The following VPS13B variants were observed in gnomAD, a reference collection of about 807,000 sequenced individuals.
The protein encoded by VPS13B is vacuolar protein sorting 13 homolog B.
VPS13B carries 285 observed loss-of-function variants against 426.4 expected under a neutral mutation model. The ratio of observed to expected loss-of-function variants is 0.67; its 90% CI spans 0.61 to 0.74. VPS13B has a LOEUF of 0.74. Ranked by LOEUF, VPS13B falls within the 30% of genes least tolerant of loss-of-function variation. The pLI is 0.00. For synonymous variants in VPS13B, 1,676 were observed against 1,676.4 expected (o/e 1.00, Z 0.01); for missense variants, 4,537 against 4,782.6 (o/e 0.95, Z 1.51).
At chr8:99,177,784 A>C (rs2132684558) in intron 16 of VPS13B, among the ~76,000 whole-genome samples, 1 of 152,228 alleles carries the variant, frequency 6.6e-6, no homozygotes, top group South Asian at 2.1e-4. Context: ...ATTGCCTTTA[A>C]ATTTGATTTT....
In VPS13B at chr8:99,817,739, A is replaced by T. The variant is rs1814129099; in HGVS notation, c.8297A>T (p.Asp2766Val). The T allele has an allele frequency of 6.2e-7, 1 of 1,614,022 alleles. No homozygotes were observed. Among genetic ancestry groups the T allele is most frequent in the Non-Finnish European group, 8.5e-7 (1 of 1,180,010 alleles). Residue 2766 changes from aspartate to valine, a missense_variant, in exon 45 of 62, where the codon GAT becomes GTT. Transcript: ENST00000357162. ...LTELCVKAKG[D>V]EDWSRDVCLE... is the part of the protein sequence containing the mutation. ...GAGCTGTGTGTGAAGGCCAAAGGAG[A>T]TGAAGACTGGTCAAGAGATGTGTGC...
intron 19 of VPS13B, among the ~76,000 whole-genome samples, chr8:99,302,214 C>G (rs1820407021): frequency 6.6e-6 from 1 of 152,174 alleles, no homozygotes; most frequent in Non-Finnish European, 1.5e-5. Flanking sequence ...GCCAGATTAC[C>G]AGGGTTGGCT....
At chr8:99,782,614 G>A (rs1372794048) in intron 42 of VPS13B, among the ~76,000 whole-genome samples, 4 of 151,828 alleles carry the variant, frequency 2.6e-5, no homozygotes, top group East Asian at 1.9e-4. Flanking sequence ...CTCTGAGGCA[G>A]GAAGTAGTTT....
At chr8:99,107,742 A>G (rs185403247) in intron 5 of VPS13B, among the ~76,000 whole-genome samples, 1 of 152,196 alleles carries the variant, frequency 6.6e-6, no homozygotes, top group Admixed American at 6.5e-5. Flanking sequence ...TGCATATGTA[A>G]ACATTCAGTT....
intron 33 of VPS13B, among the ~76,000 whole-genome samples, chr8:99,589,716 T>C (rs1391636673): frequency 3.3e-5 from 5 of 152,164 alleles, no homozygotes; most frequent in African/African-American, 1.2e-4. Context: ...TTTGGGTATA[T>C]ACCCAGTAAT....
intron 43 of VPS13B, among the ~76,000 whole-genome samples, chr8:99,808,565 C>A (rs1280823370): frequency 6.8e-6 from 1 of 146,624 alleles, no homozygotes; most frequent in African/African-American, 2.5e-5. Context: ...AATCATAGAA[C>A]GTTGTTTTCA....
At position 99,620,463 on chromosome 8, in the gene VPS13B, G is replaced by C. The variant is rs1277725823; in HGVS notation, c.5221-21348G>C. ...ATATGTATGAGATCTCACTAAAAGA[G>C]CTCTGGAGTTAGCCACTGAGAAATA... On this transcript the variant is annotated intron_variant, in intron 33 of 61. Coordinates refer to ENST00000357162, the MANE Select transcript of VPS13B (RefSeq NM_152564.5). 5.3e-5 allele frequency among the ~76,000 whole-genome samples: 8 copies of C among 152,258 alleles called. No homozygotes were observed. In the East Asian group the frequency reaches 1.3e-3, roughly 26 times the overall value.
chr8:99,590,552 T>C (rs1173633858), intron 33 of VPS13B, among the ~76,000 whole-genome samples: 1 of 152,204 alleles, frequency 6.6e-6, no homozygotes, highest in East Asian at 1.9e-4. Flanking sequence ...TTCTCATTGG[T>C]TTCAAAGAAC....
At chr8:99,630,792 G>T (rs1165746886) in intron 33 of VPS13B, among the ~76,000 whole-genome samples, 1 of 152,044 alleles carries the variant, frequency 6.6e-6, no homozygotes, top group East Asian at 1.9e-4. Context: ...GTGCTATATG[G>T]GATATATTAG....
At chr8:99,166,901 A>C (rs960586392) in intron 15 of VPS13B, among the ~76,000 whole-genome samples, 1 of 152,242 alleles carries the variant, frequency 6.6e-6, no homozygotes, top group Admixed American at 6.5e-5. Context: ...GCCCAGCAAT[A>C]AACCATTGTG....
At chr8:99,178,201 C>T (rs1293922639) in intron 16 of VPS13B, among the ~76,000 whole-genome samples, 1 of 151,374 alleles carries the variant, frequency 6.6e-6, no homozygotes, top group African/African-American at 2.4e-5. Flanking sequence ...TACATGTGCA[C>T]ATTGTGCAGG....
At chr8:99,719,287 T>C (rs1392874162) in intron 37 of VPS13B, among the ~76,000 whole-genome samples, 1 of 152,214 alleles carries the variant, frequency 6.6e-6, no homozygotes, top group Non-Finnish European at 1.5e-5. Context: ...GTGTATTACC[T>C]CTGTATTACA....
In VPS13B at chr8:99,136,052, T is replaced by C. The variant is rs143029789; in HGVS notation, c.1563+319T>C. Among the ~76,000 whole-genome samples, 701 of 152,198 alleles carry C rather than the reference T, an allele frequency of 4.6e-3. 5 individuals are homozygous for C. Among genetic ancestry groups the C allele is most frequent in the African/African-American group, 0.016 (661 of 41,560 alleles). On this transcript the variant is annotated intron_variant, in intron 11 of 61. Coordinates refer to ENST00000357162, the MANE Select transcript of VPS13B (RefSeq NM_152564.5). The stretch of plus-strand genomic sequence containing the variant: ...GATTGATGTAAAGAAATGAGGAATT[T>C]ACCTTTTTACTATCTATACTTCTTA...
chr8:99,429,687 T>G (rs1333833089), intron 21 of VPS13B: 1 of 152,220 alleles, frequency 6.6e-6, no homozygotes, highest in Non-Finnish European at 1.5e-5. Flanking sequence ...GGATACAGCA[T>G]TTTACCACTT....
At chr8:99,403,862 A>G (rs1815185447) in intron 21 of VPS13B, among the ~76,000 whole-genome samples, 1 of 152,238 alleles carries the variant, frequency 6.6e-6, no homozygotes, top group Non-Finnish European at 1.5e-5. Context: ...GGAAGATGGT[A>G]AATTGATTAT....
chr8:99,305,245 G>A (rs1362879468), intron 19 of VPS13B, among the ~76,000 whole-genome samples: 1 of 151,932 alleles, frequency 6.6e-6, no homozygotes, highest in Non-Finnish European at 1.5e-5. Context: ...TTCCACATTT[G>A]TGGGTTCAAC....
chr8:99,781,937 A>G (rs1430093098), intron 42 of VPS13B, among the ~76,000 whole-genome samples: 1 of 152,168 alleles, frequency 6.6e-6, no homozygotes, highest in Non-Finnish European at 1.5e-5. Context: ...TGATTATATA[A>G]TGCTCAATGG....
Position 99,818,692 on chromosome 8 carries a change from TCTATC to T in VPS13B, c.8446-18_8446-14del, listed in dbSNP as rs767236603. 17 of 1,613,244 alleles carry T rather than the reference TCTATC, an allele frequency of 1.1e-5. No homozygotes were observed. Among genetic ancestry groups the T allele is most frequent in the Non-Finnish European group, 1.4e-5 (17 of 1,179,760 alleles). On this transcript the variant is annotated splice_polypyrimidine_tract_variant and intron_variant, in intron 46 of 61. Coordinates refer to ENST00000357162, the MANE Select transcript of VPS13B (RefSeq NM_152564.5). ...GCAACAAAGCAAATATGAAAGTTGTTCTATCCTTTTATTTTTATAGATTGTGTTCA... is the reference window on the plus strand; with the variant it reads ...GCAACAAAGCAAATATGAAAGTTGTTCTTTTATTTTTATAGATTGTGTTCA...
intron 44 of VPS13B, among the ~76,000 whole-genome samples, chr8:99,813,270 T>C (rs1446498369): frequency 6.6e-6 from 1 of 152,176 alleles, no homozygotes; most frequent in African/African-American, 2.4e-5. Context: ...AAAATGAGAC[T>C]ATAAAAACCC....
Sources: gnomAD v4.1 joint callset for allele counts (sites outside exome capture counted in the v4.1 genomes callset) on GRCh38, gnomAD v4.1.1 for gene constraint, MANE v1.5 for transcripts, NCBI Gene and HGNC (gene_info 2026-07-23, HGNC 2026-07-21) for gene names.